Variants in BDP1 observed in about 807,000 individuals in gnomAD.
BDP1 encodes transcription factor TFIIIB component B'' homolog.
In BDP1, 169 loss-of-function variants were observed where a neutral mutation model predicts 266.6. The observed-to-expected ratio is 0.63, with a 90% CI of 0.56 to 0.72. The LOEUF (loss-of-function observed/expected upper bound fraction) is 0.72. Ranked by LOEUF, BDP1 falls within the 30% of genes least tolerant of loss-of-function variation. The probability of loss-of-function intolerance (pLI) is 0.00; values close to 1 mark genes in which losing one functional copy is unlikely to be tolerated. For missense variants in BDP1, 3,015 were observed against 3,053.8 expected (o/e 0.99, Z 0.30); for synonymous variants, 1,090 against 1,022.4 (o/e 1.07, Z -1.26).
At chr5:71,527,978 C>T (rs1481192357) in intron 25 of BDP1, among the ~76,000 whole-genome samples, 1 of 151,968 alleles carries the variant, frequency 6.6e-6, no homozygotes, top group Admixed American at 6.6e-5. Context: ...GCCACCACAC[C>T]CAGCTAATTT....
At chr5:71,556,771 A>C in intron 35 of BDP1, 115 bp from the exon 36 acceptor site, 2 of 528,612 alleles carry the variant, frequency 3.8e-6, no homozygotes, top group Non-Finnish European at 3.3e-6. Flanking sequence ...GAATTCCTCT[A>C]AGAGCTTTTT....
In BDP1 at chr5:71,489,381, A is replaced by G. The variant is rs375993117; in HGVS notation, c.1214-23A>G. 108 of 1,550,852 alleles carry G rather than the reference A, an allele frequency of 7.0e-5. No homozygotes were observed. In the African/African-American group the frequency reaches 1.4e-3, roughly 20 times the overall value. ...TTTTCTTTAGGTTGTTTAAATATTT[A>G]TAGTAATTTCTCTTGTTTTCAGTGA... On this transcript the variant is annotated intron_variant, in intron 9 of 38. Transcript: ENST00000358731.
At chr5:71,479,518 G>A (rs974370609) in intron 7 of BDP1, among the ~76,000 whole-genome samples, 3 of 147,806 alleles carry the variant, frequency 2.0e-5, no homozygotes, top group African/African-American at 5.0e-5. Context: ...TTTTTTTTCT[G>A]AGTCTGCTTG....
At chr5:71,540,983 A>G (rs1428245515) in intron 28 of BDP1, among the ~76,000 whole-genome samples, 5 of 152,182 alleles carry the variant, frequency 3.3e-5, no homozygotes, top group Admixed American at 2.6e-4. Context: ...GCTTGGAACC[A>G]TGTATTTATC....
At chr5:71,467,680 A>T (rs1761989040) in intron 6 of BDP1, among the ~76,000 whole-genome samples, 193 bp downstream of exon 6, 1 of 152,130 alleles carries the variant, frequency 6.6e-6, no homozygotes, top group South Asian at 2.1e-4. Context: ...TCTTCAAAAA[A>T]ATTTTATTTT....
chr5:71,566,415 C>T lies in BDP1; in HGVS notation c.*1530C>T, dbSNP rs567790221. Reference sequence around the variant, plus strand: ...ATGAATTTAAGGTTTGTTTTAATTTCAAGATTTGATTTTTTATACGTGTAA... The same window carrying T: ...ATGAATTTAAGGTTTGTTTTAATTTTAAGATTTGATTTTTTATACGTGTAA... On this transcript the variant is annotated 3_prime_UTR_variant, in exon 39 of 39. Coordinates refer to ENST00000358731, the MANE Select transcript of BDP1 (RefSeq NM_018429.3). 1 of 152,204 alleles carries T rather than the reference C, an allele frequency of 6.6e-6. No individual in the cohort carries two copies. Among genetic ancestry groups the T allele is most frequent in the South Asian group, 2.1e-4 (1 of 4,824 alleles). The allele number at this position is 152,204 out of a possible 1,614,324, so 9.4% of individuals were successfully genotyped here. A position where few individuals can be genotyped will look rare whatever the true frequency, so the allele number is the denominator to read the frequency against.
At chr5:71,503,646 T>C (rs546679310) in intron 15 of BDP1, among the ~76,000 whole-genome samples, 1 of 152,286 alleles carries the variant, frequency 6.6e-6, no homozygotes, top group South Asian at 2.1e-4. Context: ...AGTTGTCATG[T>C]TTTGAGATTT....
At chr5:71,552,075 C>T (rs1418279354) in intron 34 of BDP1, among the ~76,000 whole-genome samples, 4 of 150,616 alleles carry the variant, frequency 2.7e-5, no homozygotes, top group Non-Finnish European at 5.9e-5. Context: ...GGGTGGCTGC[C>T]GGTAGGAGGG....
intron 4 of BDP1, among the ~76,000 whole-genome samples, chr5:71,464,715 G>GGTT (rs1761789409): frequency 1.1e-5 from 1 of 88,060 alleles, no homozygotes; most frequent in Non-Finnish European, 2.2e-5. Context: ...AAATTTTTTA[G>GGTT]TTTTTTTTTT....
Position 71,458,561 on chromosome 5 carries a change from CTTTTTTAAT to C in BDP1, c.213-15_213-7del. On this transcript the variant is annotated splice_polypyrimidine_tract_variant and intron_variant, in intron 1 of 38. Coordinates refer to ENST00000358731, the MANE Select transcript of BDP1 (RefSeq NM_018429.3). ...AGAAGATTCATGTGCCCTCTTTTTT[CTTTTTTAAT>C]TTCAACAGTACTGAAAAGACTGGTG... 1 of 1,542,942 alleles carries C rather than the reference CTTTTTTAAT, an allele frequency of 6.5e-7. No individual in the cohort carries two copies.
intron 22 of BDP1, among the ~76,000 whole-genome samples, chr5:71,521,298 T>C (rs1234592714): frequency 1.3e-5 from 2 of 150,618 alleles, no homozygotes; most frequent in Admixed American, 6.6e-5. Context: ...TTAGTTTTTT[T>C]TTTTTTTTTT....
chr5:71,495,127 C>T, intron 11 of BDP1, 123 bp from the exon 12 acceptor site: 1 of 521,342 alleles, frequency 1.9e-6, no homozygotes, highest in Admixed American at 3.8e-5. Flanking sequence ...GTTTGTATTA[C>T]TCTATAATGT....
At chr5:71,508,984 A>T (rs906978912) in intron 16 of BDP1, among the ~76,000 whole-genome samples, 6 of 152,000 alleles carry the variant, frequency 3.9e-5, no homozygotes, top group African/African-American at 1.5e-4. Context: ...AGGAGGGCAG[A>T]CCTCATTTGT....
rs141953078 is a variant in BDP1 at position 71,511,777 on chromosome 5, G to C, written c.4060-464G>C. Among the ~76,000 whole-genome samples the C allele has an allele frequency of 2.0e-4, 30 of 152,208 alleles. No homozygotes were observed. The East Asian group carries it at 5.4e-3, about 27-fold the overall frequency. ...GGTTTGAGATCTCAAAAATGTCACT[G>C]TTCTTAATATCATTTGAAGTTACTC... On this transcript the variant is annotated intron_variant, in intron 17 of 38. Coordinates refer to ENST00000358731, the MANE Select transcript of BDP1 (RefSeq NM_018429.3).
At chr5:71,521,444 G>A (rs1166952450) in intron 22 of BDP1, among the ~76,000 whole-genome samples, 2 of 151,406 alleles carry the variant, frequency 1.3e-5, no homozygotes, top group East Asian at 2.0e-4. Flanking sequence ...AGGCATGCAC[G>A]ACCATGCCCA....
Position 71,522,910 on chromosome 5 carries a change from C to A in BDP1, c.5348C>A (p.Ser1783Tyr). Reference protein sequence around the residue: ...GEETVGDNSPSSVVEEQYLNK... With the variant: ...GEETVGDNSPYSVVEEQYLNK... The stretch of plus-strand genomic sequence containing the variant: ...GAAACTGTAGGAGATAATTCACCAT[C>A]TTCAGTTGTTGAAGAGCAATATCTC... The change falls in exon 24 of 39, where the codon TCT becomes TAT. Residue 1783 changes from serine (S) to tyrosine (Y), a missense_variant. Around this residue, in one of 3 missense-constraint regions of BDP1, gnomAD observed 2,383 missense variants for 2,404.9 expected, o/e 0.99. Transcript: ENST00000358731. 6.2e-7 allele frequency: 1 copy of A among 1,605,260 alleles called. No individual in the cohort carries two copies.
chr5:71,574,923 C>T, the BDP1 span, among the ~76,000 whole-genome samples: 1 of 152,154 alleles, frequency 6.6e-6, no homozygotes, highest in African/African-American at 2.4e-5. Flanking sequence ...GATATGGGAG[C>T]TGATGTGTCA....
At chr5:71,522,995 C>G (rs1260243333) in intron 24 of BDP1, 46 bp downstream of exon 24, 3 of 1,492,394 alleles carry the variant, frequency 2.0e-6, no homozygotes, top group Non-Finnish European at 2.7e-6. Context: ...AAATAAAAAT[C>G]ACTTAACTTT....
At chr5:71,533,427 T>C (rs1034363649) in intron 26 of BDP1, among the ~76,000 whole-genome samples, 1 of 151,990 alleles carries the variant, frequency 6.6e-6, no homozygotes, top group Non-Finnish European at 1.5e-5. Flanking sequence ...TTCCATGTCC[T>C]TGCCGGCACT....
Sources: allele counts gnomAD v4.1 joint callset (sites outside exome capture counted in the v4.1 genomes callset), GRCh38; gene constraint gnomAD v4.1.1; regional missense constraint gnomAD v4.1.1; transcripts MANE v1.5; gene names NCBI Gene and HGNC (gene_info 2026-07-23, HGNC 2026-07-21).